The following ECD variants were observed in gnomAD, a reference collection of about 807,000 sequenced individuals.
The protein encoded by ECD is ecdysoneless cell cycle regulator.
In ECD, 59 loss-of-function variants were observed where a neutral mutation model predicts 77.2. The observed-to-expected ratio is 0.76, with a 90% CI of 0.62 to 0.95. The LOEUF (loss-of-function observed/expected upper bound fraction) is 0.95. ECD is among the 40% of genes least tolerant of loss of function. The pLI is 0.00. For missense variants in ECD, 704 were observed against 763.4 expected, an observed-to-expected ratio of 0.92 and a Z score of 0.92; for synonymous variants, 233 against 267.4, an observed-to-expected ratio of 0.87 and a Z score of 1.26.
At chr10:73,135,221 TC>T (rs1842962285) in intron 13 of ECD, among the ~76,000 whole-genome samples, 1 of 152,090 alleles carries the variant, frequency 6.6e-6, no homozygotes, top group Admixed American at 6.5e-5. Flanking sequence ...TTCCTTTCTT[TC>T]CCCCCAGTGA....
intron 9 of ECD, 112 bp from the exon 10 acceptor site, chr10:73,139,849 GTTTTTTT>G: frequency 2.3e-6 from 1 of 435,680 alleles, no homozygotes; most frequent in Non-Finnish European, 3.8e-6. Flanking sequence ...TTTGGGGAGT[GTTTTTTT>G]TTTTTTTTTT....
chr10:73,137,788 A>AG (rs1314696689), intron 12 of ECD, among the ~76,000 whole-genome samples: 2 of 152,034 alleles, frequency 1.3e-5, no homozygotes, highest in Non-Finnish European at 1.5e-5. Context: ...AAAAAAAAAA[A>AG]AAAAATTAAT....
chr10:73,141,062 A>G (rs1053945913), intron 9 of ECD, among the ~76,000 whole-genome samples: 3 of 152,068 alleles, frequency 2.0e-5, no homozygotes, highest in Non-Finnish European at 4.4e-5. Flanking sequence ...TTTTGTTACT[A>G]TTATAGAAGG....
intron 11 of ECD, among the ~76,000 whole-genome samples, chr10:73,138,372 C>T (rs1344018695): frequency 1.3e-5 from 2 of 152,144 alleles, no homozygotes; most frequent in Non-Finnish European, 2.9e-5. Context: ...ATTAGCAAAA[C>T]CATTATTTAT....
intron 9 of ECD, chr10:73,141,462 G>A (rs1406403431): frequency 6.3e-6 from 1 of 158,012 alleles, no homozygotes; most frequent in Non-Finnish European, 1.4e-5. Flanking sequence ...CAGTAAGCCA[G>A]GATCGCGCCA....
chr10:73,166,902 G>A (rs1027552243), intron 1 of ECD, among the ~76,000 whole-genome samples: 1 of 152,180 alleles, frequency 6.6e-6, no homozygotes, highest in African/African-American at 2.4e-5. Context: ...TAATGTCCTA[G>A]AGAGTTTCCC....
intron 8 of ECD, among the ~76,000 whole-genome samples, chr10:73,147,231 A>G (rs986460212): frequency 2.6e-5 from 4 of 151,032 alleles, no homozygotes; most frequent in Non-Finnish European, 4.4e-5. Context: ...TGACAAAGCA[A>G]GACCCTATAC....
rs1843219600 is a variant in ECD, at chr10:73,152,220, A to G, written c.912+73T>C. On this transcript the variant is annotated intron_variant, in intron 7 of 13. Coordinates refer to ENST00000372979, the MANE Select transcript of ECD (RefSeq NM_007265.3). ...AACAGGGTGTATTTCTGGACTTTGTATATTGTGCCACTATTCTATTAAGAG... is the reference window on the plus strand; with the variant it reads ...AACAGGGTGTATTTCTGGACTTTGTGTATTGTGCCACTATTCTATTAAGAG... The G allele has an allele frequency of 3.2e-6, 5 of 1,538,584 alleles. No individual in the cohort carries two copies. In the South Asian group the frequency reaches 5.8e-5, roughly 18 times the overall value.
intron 4 of ECD, 43 bp from the exon 5 acceptor site, chr10:73,156,496 A>T: frequency 6.2e-7 from 1 of 1,608,586 alleles, no homozygotes; most frequent in Non-Finnish European, 8.5e-7. Flanking sequence ...GCACTGGCAA[A>T]CTGCAGGTAC....
intron 2 of ECD, among the ~76,000 whole-genome samples, chr10:73,161,400 A>G (rs551153920): frequency 6.6e-6 from 1 of 152,310 alleles, no homozygotes; most frequent in East Asian, 1.9e-4. Context: ...TCATAGAAAT[A>G]AGAAGGATAA....
Position 73,163,012 on chromosome 10 carries a change from G to T in ECD, c.205+721C>A, listed in dbSNP as rs547832568. Among the ~76,000 whole-genome samples, 22 of 152,290 alleles carry T rather than the reference G, an allele frequency of 1.4e-4. No individual in the cohort carries two copies. The South Asian group carries it at 4.6e-3, about 32-fold the overall frequency. ...TACTAGCAACTTAAATATGGGAGGT[G>T]GGGTGGATTTCTAGAGCTGTCCTGA... On this transcript the variant is annotated intron_variant, in intron 2 of 13. Coordinates refer to ENST00000372979, the MANE Select transcript of ECD (RefSeq NM_007265.3).
chr10:73,145,566 G>A (rs1222357706), intron 9 of ECD, among the ~76,000 whole-genome samples: 1 of 151,598 alleles, frequency 6.6e-6, no homozygotes, highest in African/African-American at 2.4e-5. Context: ...TAAAATGTTG[G>A]ACATTTAAGC....
intron 8 of ECD, among the ~76,000 whole-genome samples, chr10:73,147,158 T>A (rs1843141111): frequency 6.6e-6 from 1 of 151,988 alleles, no homozygotes; most frequent in Non-Finnish European, 1.5e-5. Flanking sequence ...GGCAGGAGGA[T>A]CACTTGAGCC....
chr10:73,137,766 A>C (rs1254921345), intron 12 of ECD, among the ~76,000 whole-genome samples: 1 of 147,768 alleles, frequency 6.8e-6, no homozygotes, highest in Non-Finnish European at 1.5e-5. Context: ...ACAGAGCGAG[A>C]CACTGTCTCA....
intron 2 of ECD, among the ~76,000 whole-genome samples, chr10:73,162,480 A>C (rs1843393228): frequency 6.6e-6 from 1 of 152,260 alleles, no homozygotes; most frequent in Admixed American, 6.5e-5. Flanking sequence ...TAGATGTGCT[A>C]CACCAATGTG....
chr10:73,141,695 T>C (rs1286696935), intron 9 of ECD, among the ~76,000 whole-genome samples: 1 of 152,316 alleles, frequency 6.6e-6, no homozygotes, highest in Non-Finnish European at 1.5e-5. Context: ...GAATGATTTT[T>C]ATTTTGCCTT....
intron 8 of ECD, among the ~76,000 whole-genome samples, chr10:73,147,896 C>T (rs1430718519): frequency 6.6e-6 from 1 of 151,546 alleles, no homozygotes; most frequent in African/African-American, 2.4e-5. Flanking sequence ...ATATATATAT[C>T]TTTACTACTT....
At chr10:73,164,694 C>T (rs1489900712) in intron 1 of ECD, among the ~76,000 whole-genome samples, 2 of 152,144 alleles carry the variant, frequency 1.3e-5, no homozygotes, top group South Asian at 4.1e-4. Context: ...TGGCCTAGAA[C>T]TTCTGAGCTC....
In ECD at chr10:73,139,756, A is replaced by G. The variant is rs1746794784; in HGVS notation, c.1128-19T>C. 5.3e-6 allele frequency: 8 copies of G among 1,504,412 alleles called. No homozygotes were observed. Among genetic ancestry groups the G allele is most frequent in the Non-Finnish European group, 6.4e-6 (7 of 1,093,002 alleles). The allele number at this position is 1,504,412 out of a possible 1,614,324, so 93.2% of individuals were successfully genotyped here. On this transcript the variant is annotated intron_variant, in intron 9 of 13. Coordinates refer to ENST00000372979, the MANE Select transcript of ECD (RefSeq NM_007265.3). ...AAGAGAACTATGAAAAATAAAAAAC[A>G]TGAGTATTTCTTCATAAGAGAACAT... is the stretch of plus-strand genomic sequence containing the variant.
Sources: allele counts gnomAD v4.1 joint callset (sites outside exome capture counted in the v4.1 genomes callset), GRCh38; gene constraint gnomAD v4.1.1; transcripts MANE v1.5; gene names NCBI Gene and HGNC (gene_info 2026-07-23, HGNC 2026-07-21).